Variants in L3MBTL4 observed in about 807,000 individuals in gnomAD.
The protein encoded by L3MBTL4 is lethal(3)malignant brain tumor-like protein 4.
L3MBTL4 carries 70 observed loss-of-function variants against 84.5 expected under a neutral mutation model. That is an observed-to-expected ratio of 0.83 (90% CI 0.68 to 1.01). The LOEUF (loss-of-function observed/expected upper bound fraction) is 1.01, where lower values mean the gene tolerates loss of function less well. Among genes scored for constraint, L3MBTL4 ranks in the 50% least tolerant of loss-of-function variants. The pLI is 0.00. For missense variants in L3MBTL4, 715 were observed against 754.8 expected (o/e 0.95, Z 0.62); for synonymous variants, 274 against 259.8 (o/e 1.05, Z -0.52).
chr18:6,132,725 A>C (rs2059910293), intron 14 of L3MBTL4, among the ~76,000 whole-genome samples: 1 of 152,254 alleles, frequency 6.6e-6, no homozygotes. Flanking sequence ...AAAGAAGAAC[A>C]TCAATTAGAC....
intron 16 of L3MBTL4, among the ~76,000 whole-genome samples, chr18:6,020,836 TG>T (rs896165806): frequency 5.3e-5 from 8 of 152,116 alleles, no homozygotes; most frequent in African/African-American, 1.9e-4. Context: ...TTCATATGTC[TG>T]GGGTGGACGT....
chr18:6,226,833 C>A (rs373492428), intron 10 of L3MBTL4, among the ~76,000 whole-genome samples: 10 of 151,622 alleles, frequency 6.6e-5, no homozygotes, highest in East Asian at 5.8e-4. Context: ...TTTAAAAAAA[C>A]CAAAACCATA....
chr18:6,099,607 T>TATATATATATATATATATATATATATATA (rs201566898), intron 14 of L3MBTL4, among the ~76,000 whole-genome samples: 4 of 122,838 alleles, frequency 3.3e-5, no homozygotes, highest in Non-Finnish European at 3.5e-5. Flanking sequence ...TATATATATA[T>TATATATATATATATATATATATATATATA]GGAGAGAGAG....
intron 1 of L3MBTL4, among the ~76,000 whole-genome samples, chr18:6,362,134 G>A (rs977733332): frequency 9.2e-5 from 8 of 86,704 alleles, no homozygotes; most frequent in Admixed American, 8.8e-4. Flanking sequence ...AAAGAGGAGA[G>A]GAGAGGGGAG....
In L3MBTL4 at chr18:6,005,763, C is replaced by T. The variant is rs913819964; in HGVS notation, c.1445-36201G>A. Among the ~76,000 whole-genome samples, 6 of 152,066 alleles carry T rather than the reference C, an allele frequency of 3.9e-5. No individual in the cohort carries two copies. In the South Asian group the frequency reaches 1.2e-3, roughly 32 times the overall value. On this transcript the variant is annotated intron_variant, in intron 16 of 18. Transcript: ENST00000317931. ...TTGATGGGCATTTAGGTTGATTCCACATTTTCGTTATTGTGAATAGTGCTG... is the reference window on the plus strand; with the variant it reads ...TTGATGGGCATTTAGGTTGATTCCATATTTTCGTTATTGTGAATAGTGCTG...
chr18:5,960,137 G>A lies in L3MBTL4; in HGVS notation c.1634C>T (p.Ser545Phe), dbSNP rs780118510. 1.8e-5 allele frequency: 29 copies of A among 1,593,358 alleles called. 1 individual carries two copies. In the South Asian group the frequency reaches 3.2e-4, roughly 18 times the overall value. ...TVDEVAEFVQSLLGCEEHAKC... is the reference protein window; with the variant it reads ...TVDEVAEFVQFLLGCEEHAKC... The stretch of plus-strand genomic sequence containing the variant: ...GGCATGCTCTTCACAGCCCAGAAGA[G>A]ACTGTACAAACTCAGCCACCTACAG... The change falls in exon 18 of 19, where the codon TCT becomes TTT. Residue 545 changes from serine (S) to phenylalanine (F), a missense_variant. Ser to Phe is a radical substitution (Grantham distance 155). Transcript: ENST00000317931.
Position 6,118,171 on chromosome 18 carries a change from A to ACTCTCTCT in L3MBTL4, c.1199+20015_1199+20022dup, listed in dbSNP as rs144219677. On this transcript the variant is annotated intron_variant, in intron 14 of 18. Coordinates refer to ENST00000317931, the MANE Select transcript of L3MBTL4 (RefSeq NM_001330559.2). ...GGTATTTGAAACTGCATGCAAACTC[A>ACTCTCTCT]CTCTCTCTCTCTCTCTCTGTCTCTT... Among the ~76,000 whole-genome samples the ACTCTCTCT allele has an allele frequency of 1.3e-3, 185 of 140,092 alleles. 1 individual carries two copies. The highest frequency in any genetic ancestry group is 5.0e-3 in the African/African-American group (180 of 35,850). 91.9% of individuals were successfully genotyped at this position (140,092 alleles called of 152,430 possible).
At position 6,187,668 on chromosome 18, in the gene L3MBTL4, C is replaced by T. The variant is rs1017728036; in HGVS notation, c.982-15726G>A. On this transcript the variant is annotated intron_variant, in intron 12 of 18. Coordinates refer to ENST00000317931, the MANE Select transcript of L3MBTL4 (RefSeq NM_001330559.2). ...AACTGAGTAATTACCTCAGCCAGAA[C>T]GAGGTGTTCTGAAAATGGATTGACT... Among the ~76,000 whole-genome samples the T allele has an allele frequency of 3.9e-5, 6 of 152,188 alleles. No individual in the cohort carries two copies. In the South Asian group the frequency reaches 6.2e-4, roughly 16 times the overall value.
intron 12 of L3MBTL4, among the ~76,000 whole-genome samples, chr18:6,178,788 GA>G (rs2044335815): frequency 6.6e-6 from 1 of 152,058 alleles, no homozygotes; most frequent in Non-Finnish European, 1.5e-5. Flanking sequence ...CAACAACAAG[GA>G]AAAACTCCTT....
At chr18:6,309,629 G>GA (rs1223106445) in intron 3 of L3MBTL4, among the ~76,000 whole-genome samples, 3 of 152,212 alleles carry the variant, frequency 2.0e-5, no homozygotes, top group Non-Finnish European at 2.9e-5. Context: ...AAGTCCCAAT[G>GA]TGGGGTAGAA....
At chr18:6,412,163 G>T (rs1200565781) in intron 1 of L3MBTL4, among the ~76,000 whole-genome samples, 1 of 152,016 alleles carries the variant, frequency 6.6e-6, no homozygotes, top group Non-Finnish European at 1.5e-5. Flanking sequence ...ATAGGTCCCA[G>T]TGTATGTTGT....
intron 4 of L3MBTL4, among the ~76,000 whole-genome samples, chr18:6,264,509 C>T (rs547291125): frequency 1.3e-5 from 2 of 152,306 alleles, no homozygotes; most frequent in East Asian, 1.9e-4. Context: ...CCTGGCCTGG[C>T]GTGGTGACTC....
chr18:6,138,112 C>T (rs1356381877), intron 14 of L3MBTL4, 82 bp downstream of exon 14: 7 of 903,100 alleles, frequency 7.8e-6, no homozygotes, highest in African/African-American at 4.9e-5. Flanking sequence ...CCATGAGACT[C>T]ATTTATGATG....
At chr18:6,408,954 G>A (rs140606575) in intron 1 of L3MBTL4, among the ~76,000 whole-genome samples, 4 of 152,244 alleles carry the variant, frequency 2.6e-5, no homozygotes, top group East Asian at 1.9e-4. Context: ...TGGGGTTACC[G>A]GGGTGAGCCA....
At chr18:6,302,847 T>G (rs1193401710) in intron 3 of L3MBTL4, among the ~76,000 whole-genome samples, 2 of 151,990 alleles carry the variant, frequency 1.3e-5, no homozygotes, top group Admixed American at 6.6e-5. Context: ...AAAAATAAGC[T>G]GGACGTGGTG....
At chr18:6,232,813 T>C (rs1447328868) in intron 10 of L3MBTL4, among the ~76,000 whole-genome samples, 1 of 152,228 alleles carries the variant, frequency 6.6e-6, no homozygotes, top group East Asian at 1.9e-4. Flanking sequence ...AAAATTTTTT[T>C]CCATACTCAG....
chr18:6,136,908 T>C (rs958077326), intron 14 of L3MBTL4, among the ~76,000 whole-genome samples: 1 of 152,242 alleles, frequency 6.6e-6, no homozygotes, highest in Non-Finnish European at 1.5e-5. Flanking sequence ...CCTAGAATTA[T>C]GCCAATGTAT....
chr18:6,285,116 G>A (rs897331802), intron 4 of L3MBTL4, among the ~76,000 whole-genome samples: 1 of 152,350 alleles, frequency 6.6e-6, no homozygotes, highest in Non-Finnish European at 1.5e-5. Flanking sequence ...TCAGGGCGAG[G>A]AGGCGTCCGC....
chr18:6,020,173 A>T (rs2055184637), intron 16 of L3MBTL4, among the ~76,000 whole-genome samples: 1 of 152,192 alleles, frequency 6.6e-6, no homozygotes, highest in African/African-American at 2.4e-5. Flanking sequence ...ATTAACCAGC[A>T]AAGCTCCTTT....
Sources: allele counts gnomAD v4.1 joint callset (sites outside exome capture counted in the v4.1 genomes callset), GRCh38; gene constraint gnomAD v4.1.1; transcripts MANE v1.5; gene names NCBI Gene and HGNC (gene_info 2026-07-23, HGNC 2026-07-21).